The following METTL15 variants were observed in gnomAD, a reference collection of about 807,000 sequenced individuals.
The protein encoded by METTL15 is methyltransferase 15, mitochondrial 12S rRNA N4-cytidine, also known as 12S rRNA N(4)-cytidine methyltransferase METTL15.
METTL15 carries 34 observed loss-of-function variants against 38.3 expected under a neutral mutation model. That is an observed-to-expected ratio of 0.89 (90% CI 0.68 to 1.18). The LOEUF is 1.18. Among genes scored for constraint, METTL15 ranks in the 50% most tolerant of loss-of-function variants. METTL15 has a pLI of 0.00. For synonymous variants in METTL15, 162 were observed against 170.9 expected (o/e 0.95, Z 0.41); for missense variants, 438 against 498.4 (o/e 0.88, Z 1.15).
chr11:28,271,482 T>G (rs1168935958), intron 4 of METTL15, among the ~76,000 whole-genome samples: 1 of 152,156 alleles, frequency 6.6e-6, no homozygotes, highest in African/African-American at 2.4e-5. Flanking sequence ...ATCAGGTAGA[T>G]GATTGCTGTC....
At chr11:28,531,965 T>C (rs1047787044), downstream of METTL15, among the ~76,000 whole-genome samples, 6 of 152,084 alleles carry the variant, frequency 3.9e-5, no homozygotes, top group Non-Finnish European at 7.4e-5. Flanking sequence ...CTTTCATAGA[T>C]GAAAATACCA....
intron 6 of METTL15, among the ~76,000 whole-genome samples, chr11:28,494,648 G>A (rs550150099): frequency 4.0e-4 from 61 of 152,278 alleles, no homozygotes; most frequent in African/African-American, 1.4e-3. Flanking sequence ...TCATGGGAGG[G>A]ACTCAGTGGG....
chr11:28,413,386 G>GAAAGACA (rs958143340), intron 5 of METTL15, among the ~76,000 whole-genome samples: 1 of 151,792 alleles, frequency 6.6e-6, no homozygotes, highest in African/African-American at 2.4e-5. Flanking sequence ...ACTGATTTTG[G>GAAAGACA]AAAGACACAT....
intron 3 of METTL15, among the ~76,000 whole-genome samples, chr11:28,180,118 C>G (rs1408503011): frequency 1.3e-5 from 2 of 151,840 alleles, no homozygotes; most frequent in African/African-American, 4.8e-5. Flanking sequence ...AACCAGGAAT[C>G]TATATTGTCT....
intron 6 of METTL15, among the ~76,000 whole-genome samples, chr11:28,322,048 A>G (rs1406123962): frequency 6.6e-6 from 1 of 152,082 alleles, no homozygotes; most frequent in African/African-American, 2.4e-5. Flanking sequence ...TTTTGTGTGG[A>G]TTAAATATTC....
chr11:28,285,334 T>C (rs1856211538), intron 4 of METTL15, among the ~76,000 whole-genome samples: 1 of 151,558 alleles, frequency 6.6e-6, no homozygotes, highest in Non-Finnish European at 1.5e-5. Context: ...CCAACACAAA[T>C]TTATAAACTT....
chr11:28,476,900 C>G (rs1189859635), intron 6 of METTL15, among the ~76,000 whole-genome samples: 3 of 152,078 alleles, frequency 2.0e-5, no homozygotes, highest in Non-Finnish European at 4.4e-5. Context: ...TAGAGAAGGA[C>G]CATAATAGAC....
At chr11:28,452,050 T>C (rs966084759) in intron 6 of METTL15, among the ~76,000 whole-genome samples, 8 of 152,220 alleles carry the variant, frequency 5.3e-5, no homozygotes, top group Non-Finnish European at 1.2e-4. Context: ...CTGTCTTAGC[T>C]TCTGGCTGAG....
At chr11:28,185,017 A>C (rs1452190149) in intron 3 of METTL15, among the ~76,000 whole-genome samples, 1 of 151,524 alleles carries the variant, frequency 6.6e-6, no homozygotes, top group African/African-American at 2.4e-5. Flanking sequence ...AATGTGTTGA[A>C]TGTTAACATA....
At chr11:28,295,561 T>C (rs960611686) in intron 5 of METTL15, among the ~76,000 whole-genome samples, 2 of 151,782 alleles carry the variant, frequency 1.3e-5, no homozygotes, top group African/African-American at 2.4e-5. Flanking sequence ...AGATTTGCCT[T>C]TGTACTCCAG....
At chr11:28,458,270 T>C (rs1851186807) in intron 6 of METTL15, among the ~76,000 whole-genome samples, 1 of 152,222 alleles carries the variant, frequency 6.6e-6, no homozygotes, top group Admixed American at 6.5e-5. Flanking sequence ...CAAATGGCCT[T>C]GTTTATCTAT....
At chr11:28,181,890 C>G (rs930791305) in intron 3 of METTL15, among the ~76,000 whole-genome samples, 7 of 152,100 alleles carry the variant, frequency 4.6e-5, no homozygotes, top group Non-Finnish European at 7.4e-5. Context: ...TAAAAGTATT[C>G]CTATTTCTCC....
At chr11:28,230,350 G>T (rs564921793) in intron 4 of METTL15, among the ~76,000 whole-genome samples, 2 of 151,790 alleles carry the variant, frequency 1.3e-5, no homozygotes, top group Admixed American at 6.6e-5. Context: ...GAAAGTCAAC[G>T]TGTATATTTG....
chr11:28,269,101 G>A (rs182418657), intron 4 of METTL15, among the ~76,000 whole-genome samples: 9 of 152,230 alleles, frequency 5.9e-5, no homozygotes, highest in Admixed American at 3.9e-4. Flanking sequence ...ATTTAAAACT[G>A]ACATGTAACT....
chr11:28,417,114 A>G (rs1850778804), intron 5 of METTL15, among the ~76,000 whole-genome samples: 2 of 152,178 alleles, frequency 1.3e-5, no homozygotes, highest in Admixed American at 1.3e-4. Flanking sequence ...CTTAGTGAGA[A>G]AAAGCACTTT....
At chr11:28,410,491 C>A (rs147574251) in intron 5 of METTL15, among the ~76,000 whole-genome samples, 71 of 152,214 alleles carry the variant, frequency 4.7e-4, no homozygotes, top group African/African-American at 1.7e-3. Flanking sequence ...CAGTGTGATA[C>A]ATCACACCAA....
At chr11:28,318,111 A>G (rs1857542754) in intron 6 of METTL15, among the ~76,000 whole-genome samples, 1 of 152,196 alleles carries the variant, frequency 6.6e-6, no homozygotes. Context: ...TTGCATGTAC[A>G]TGCAAAATCC....
At chr11:28,352,691 T>C (rs1027114382) in intron 4 of METTL15, among the ~76,000 whole-genome samples, 10 of 152,050 alleles carry the variant, frequency 6.6e-5, no homozygotes, top group African/African-American at 2.4e-4. Context: ...ACCTCAGCCC[T>C]CCCTTTCCCT....
intron 5 of METTL15, among the ~76,000 whole-genome samples, chr11:28,382,573 C>A (rs1034220367): frequency 6.6e-6 from 1 of 152,060 alleles, no homozygotes; most frequent in African/African-American, 2.4e-5. Context: ...GTGGCTCACA[C>A]CTGTAATCCC....
Sources: allele counts gnomAD v4.1 joint callset (sites outside exome capture counted in the v4.1 genomes callset), GRCh38; gene constraint gnomAD v4.1.1; transcripts MANE v1.5; gene names NCBI Gene and HGNC (gene_info 2026-07-23, HGNC 2026-07-21).